CHD2: variants seen among roughly 807,000 people sequenced by gnomAD.
CHD2 encodes the protein chromodomain helicase DNA binding protein 2, also known as ATP-dependent chromatin remodeler CHD2.
In CHD2, 28 loss-of-function variants were observed where a neutral mutation model predicts 243.9. The ratio of observed to expected loss-of-function variants is 0.11; its 90% CI spans 0.09 to 0.16. CHD2 has a LOEUF of 0.16. Ranked by LOEUF, CHD2 falls within the 10% of genes least tolerant of loss-of-function variation. The pLI, the probability that CHD2 is intolerant of heterozygous loss-of-function variation, is 1.00. For missense variants in CHD2, 1,386 were observed against 2,209.8 expected, an observed-to-expected ratio of 0.63 and a Z score of 7.47; for synonymous variants, 775 against 779.0, an observed-to-expected ratio of 0.99 and a Z score of 0.09.
chr15:92,924,580 G>A (rs1213928769), intron 3 of CHD2, 28 bp downstream of exon 3: 3 of 1,591,300 alleles, frequency 1.9e-6, no homozygotes, highest in Non-Finnish European at 1.7e-6. Context: ...CAGTACAAAT[G>A]TGCTGCTAGC....
intron 16 of CHD2, among the ~76,000 whole-genome samples, chr15:92,957,815 A>G (rs2053635886): frequency 6.6e-6 from 1 of 152,116 alleles, no homozygotes; most frequent in Admixed American, 6.5e-5. Context: ...GCTTGTTTGC[A>G]GTTAACCTCT....
intron 3 of CHD2, among the ~76,000 whole-genome samples, chr15:92,926,682 G>A (rs2053067477): frequency 6.6e-6 from 1 of 152,184 alleles, no homozygotes; most frequent in South Asian, 2.1e-4. Context: ...ATAAAAAATA[G>A]ATGTGTTAGA....
At chr15:92,926,130 C>G (rs1386090534) in intron 3 of CHD2, among the ~76,000 whole-genome samples, 3 of 152,132 alleles carry the variant, frequency 2.0e-5, no homozygotes, top group African/African-American at 7.2e-5. Flanking sequence ...TATTGACACA[C>G]CTGTCTAATT....
At chr15:92,949,174 G>A (rs751213115) in intron 13 of CHD2, 98 bp downstream of exon 13, 46 of 1,555,750 alleles carry the variant, frequency 3.0e-5, no homozygotes, top group Non-Finnish European at 4.0e-5. Context: ...CACCCTTATT[G>A]TATCTCAACC....
chr15:92,940,453 A>T (rs2053341884), intron 7 of CHD2, among the ~76,000 whole-genome samples: 1 of 152,202 alleles, frequency 6.6e-6, no homozygotes, highest in South Asian at 2.1e-4. Flanking sequence ...TCTCAAAAAG[A>T]AAAAGGAAAA....
rs546536259 is a variant in CHD2, at chr15:92,924,271, C to G, written c.63-50C>G. The G allele has an allele frequency of 9.8e-6, 15 of 1,528,766 alleles. No individual in the cohort carries two copies. The Admixed American group carries it at 1.9e-4, about 19-fold the overall frequency. The allele number at this position is 1,528,766 out of a possible 1,614,324, so 94.7% of individuals were successfully genotyped here. A position where few individuals can be genotyped will look rare whatever the true frequency, so the allele number is the denominator to read the frequency against. ...ATGAGAATTTTTTTTTAAGCAGATT[C>G]ATGTGTCAGTTCTTAAATATTTTTA... On this transcript the variant is annotated intron_variant, in intron 2 of 38. Coordinates refer to ENST00000394196, the MANE Select transcript of CHD2 (RefSeq NM_001271.4).
intron 37 of CHD2, 87 bp downstream of exon 37, chr15:93,014,996 A>T: frequency 9.8e-7 from 1 of 1,023,502 alleles, no homozygotes; most frequent in Admixed American, 2.0e-5. Flanking sequence ...CACTGGCTAG[A>T]CTTCTGTGCT....
chr15:92,901,114 A>G (rs541643995), intron 1 of CHD2, 53 bp from the exon 2 acceptor site: 1 of 686,312 alleles, frequency 1.5e-6, no homozygotes, highest in East Asian at 2.7e-5. Flanking sequence ...GTTCCTGATA[A>G]TAAAAAGCAT....
intron 7 of CHD2, 97 bp from the exon 8 acceptor site, chr15:92,941,725 C>A: frequency 7.8e-7 from 1 of 1,287,258 alleles, no homozygotes; most frequent in Non-Finnish European, 1.1e-6. Flanking sequence ...CTTTTGGAAC[C>A]AAAAGGGTAT....
chr15:92,973,695 A>C (rs1170497843), intron 19 of CHD2, among the ~76,000 whole-genome samples: 1 of 152,196 alleles, frequency 6.6e-6, no homozygotes, highest in Non-Finnish European at 1.5e-5. Context: ...CAGTGAATCG[A>C]ATCCCTATGA....
intron 4 of CHD2, 63 bp from the exon 5 acceptor site, chr15:92,928,967 G>A: frequency 6.8e-7 from 1 of 1,462,710 alleles, no homozygotes; most frequent in Non-Finnish European, 9.5e-7. Flanking sequence ...CCAGGAGATA[G>A]TGTTGTCCCG....
chr15:92,943,201 T>C (rs1009272017), intron 9 of CHD2, 133 bp downstream of exon 9: 4 of 674,990 alleles, frequency 5.9e-6, no homozygotes, highest in African/African-American at 3.6e-5. Context: ...TGGAGCCATT[T>C]ACAATTCTAT....
At chr15:92,993,425 A>G (rs2054146610) in intron 28 of CHD2, among the ~76,000 whole-genome samples, 1 of 152,218 alleles carries the variant, frequency 6.6e-6, no homozygotes. Flanking sequence ...AATAAATAAA[A>G]TATTGGATGA....
chr15:92,973,676 C>G (rs2053871774), intron 19 of CHD2, among the ~76,000 whole-genome samples: 1 of 152,218 alleles, frequency 6.6e-6, no homozygotes, highest in South Asian at 2.1e-4. Flanking sequence ...CAAAAAGTCA[C>G]TTCTCTGTCA....
intron 10 of CHD2, 135 bp downstream of exon 10, chr15:92,944,650 A>G (rs2053433274): frequency 1.2e-5 from 5 of 411,328 alleles, no homozygotes; most frequent in African/African-American, 2.0e-5. Flanking sequence ...AGGAAAAGCT[A>G]AGAAGATTTG....
chr15:92,981,482 G>A (rs2053979505), intron 24 of CHD2, 25 bp downstream of exon 24: 1 of 1,561,220 alleles, frequency 6.4e-7, no homozygotes, highest in Admixed American at 1.7e-5. Flanking sequence ...GTGGGAGAGA[G>A]TTCTCAGCAT....
At chr15:92,932,841 C>CCTG (rs2141763658) in intron 5 of CHD2, among the ~76,000 whole-genome samples, 2 of 37,034 alleles carry the variant, frequency 5.4e-5, no homozygotes, top group East Asian at 5.0e-3. Context: ...CACTGTGACT[C>CCTG]AAGTGATTCT....
chr15:93,009,303 G>T lies in CHD2; in HGVS notation c.4572G>T (p.Glu1524Asp), dbSNP rs1387277476. The T allele has an allele frequency of 6.2e-7, 1 of 1,614,174 alleles. No homozygotes were observed. The highest frequency in any genetic ancestry group is 1.3e-5 in the African/African-American group (1 of 75,054). Residue 1524 changes from glutamate to aspartate, a missense_variant, in exon 35 of 39, where the codon GAG (glutamate) becomes GAT (aspartate). Coordinates refer to ENST00000394196, the MANE Select transcript of CHD2 (RefSeq NM_001271.4). ...AECLKAYSDQ[E>D]HIKLWRRNLW... ...GCCTTAAAGCCTACTCAGATCAGGA[G>T]CACATCAAACTCTGGAGGAGGTAAC...
chr15:92,959,646 C>T (rs951891974), intron 16 of CHD2, among the ~76,000 whole-genome samples: 2 of 152,142 alleles, frequency 1.3e-5, no homozygotes, highest in Admixed American at 6.5e-5. Context: ...CACGCACCAC[C>T]ATGCTCAACT....
Sources: gnomAD v4.1 joint callset for allele counts (sites outside exome capture counted in the v4.1 genomes callset) on GRCh38, gnomAD v4.1.1 for gene constraint, MANE v1.5 for transcripts, NCBI Gene and HGNC (gene_info 2026-07-23, HGNC 2026-07-21) for gene names.